Variants in DCLK1 observed in about 807,000 individuals in gnomAD.
The protein encoded by DCLK1 is doublecortin like kinase 1.
In DCLK1, 16 loss-of-function variants were observed where a neutral mutation model predicts 86.2. That is an observed-to-expected ratio of 0.19 (90% CI 0.13 to 0.28). The LOEUF is 0.28. DCLK1 is among the 10% of genes least tolerant of loss of function. The probability of loss-of-function intolerance (pLI) is 1.00; values close to 1 mark genes in which losing one functional copy is unlikely to be tolerated. For missense variants in DCLK1, 590 were observed against 940.2 expected, an observed-to-expected ratio of 0.63 and a Z score of 4.87; for synonymous variants, 369 against 370.5, an observed-to-expected ratio of 1.00 and a Z score of 0.05.
At chr13:35,852,641 A>T (rs750929914) in intron 6 of DCLK1, among the ~76,000 whole-genome samples, 17 of 152,218 alleles carry the variant, frequency 1.1e-4, no homozygotes, top group Non-Finnish European at 1.6e-4. Context: ...TAATTATATA[A>T]GCCAATAGCC....
intron 6 of DCLK1, among the ~76,000 whole-genome samples, chr13:35,844,967 T>C (rs1168777370): frequency 1.3e-5 from 2 of 152,150 alleles, no homozygotes; most frequent in Admixed American, 6.5e-5. Flanking sequence ...TATTTTTTCG[T>C]CTGGGTACAG....
At chr13:35,793,267 C>T in intron 16 of DCLK1, 99 bp downstream of exon 16, 6 of 833,432 alleles carry the variant, frequency 7.2e-6, no homozygotes, top group Non-Finnish European at 9.4e-6. Flanking sequence ...AAGAAATGAC[C>T]CATTCTGCTG....
intron 3 of DCLK1, among the ~76,000 whole-genome samples, chr13:36,013,179 TC>T (rs1477684693): frequency 5.3e-5 from 8 of 150,284 alleles, no homozygotes; most frequent in African/African-American, 1.7e-4. Flanking sequence ...TTGAATGTCC[TC>T]CCGTAGCTCA....
At chr13:36,046,475 CA>C (rs1337304364) in intron 3 of DCLK1, among the ~76,000 whole-genome samples, 1 of 152,132 alleles carries the variant, frequency 6.6e-6, no homozygotes, top group Non-Finnish European at 1.5e-5. Flanking sequence ...TCAAGAAAGC[CA>C]AAAAAGTAAA....
rs373202463 is a variant in DCLK1, at chr13:36,013,481, T to C, written c.724-66024A>G. The stretch of plus-strand genomic sequence containing the variant: ...CTCAGCTGCAGGTCTTTTGGAATAC[T>C]CTGCTGTGTGAGGTGTCAGTGTGCC... On this transcript the variant is annotated intron_variant, in intron 3 of 16. Transcript: ENST00000360631. Among the ~76,000 whole-genome samples the C allele has an allele frequency of 7.9e-4, 120 of 152,062 alleles. No individual in the cohort carries two copies. The South Asian group carries it at 8.2e-3, about 10-fold the overall frequency.
chr13:35,834,704 T>TG (rs1869226034), intron 8 of DCLK1, among the ~76,000 whole-genome samples: 1 of 151,568 alleles, frequency 6.6e-6, no homozygotes, highest in African/African-American at 2.4e-5. Flanking sequence ...CGTGGAGAGG[T>TG]GGGGGAATGA....
intron 3 of DCLK1, among the ~76,000 whole-genome samples, chr13:36,033,890 G>A (rs1171005): frequency 0.82 from 124,541 of 152,210 alleles, 52,265 homozygotes; most frequent in Non-Finnish European, 0.93. Flanking sequence ...GCACCATTGC[G>A]CTCCAGCCTG....
intron 4 of DCLK1, among the ~76,000 whole-genome samples, chr13:35,942,486 A>G (rs370065113): frequency 6.9e-4 from 105 of 152,272 alleles, no homozygotes; most frequent in African/African-American, 2.2e-3. Context: ...CCTGGCCTCA[A>G]AAGGACACTT....
At chr13:35,882,333 C>T (rs909042124) in intron 4 of DCLK1, among the ~76,000 whole-genome samples, 8 of 152,204 alleles carry the variant, frequency 5.3e-5, no homozygotes, top group Non-Finnish European at 7.3e-5. Context: ...AGATAATCCC[C>T]TCATCTCAAG....
At chr13:35,953,430 C>T (rs1877811965) in intron 3 of DCLK1, among the ~76,000 whole-genome samples, 2 of 152,092 alleles carry the variant, frequency 1.3e-5, no homozygotes, top group Non-Finnish European at 2.9e-5. Context: ...ATAATAAAAA[C>T]GGTGTCTAAT....
At chr13:36,128,358 G>A (rs1284066893) in intron 1 of DCLK1, among the ~76,000 whole-genome samples, 3 of 152,274 alleles carry the variant, frequency 2.0e-5, no homozygotes, top group African/African-American at 7.2e-5. Flanking sequence ...TAACTGAGGG[G>A]TTGAGATTTG....
rs200161413 is a variant in DCLK1 at position 36,068,368 on chromosome 13, C to CA, written c.723+43500dup. ...ATGTAAATCAATCCTAAACTCTTTACACAAAGCCACAGTAAAAAGAACTGC... is the reference window on the plus strand; with the variant it reads ...ATGTAAATCAATCCTAAACTCTTTACAACAAAGCCACAGTAAAAAGAACTGC... On this transcript the variant is annotated intron_variant, in intron 3 of 16. Transcript: ENST00000360631. Among the ~76,000 whole-genome samples, 903 of 152,292 alleles carry CA rather than the reference C, an allele frequency of 5.9e-3. 9 individuals carry two copies. The highest frequency in any genetic ancestry group is 0.02 in the African/African-American group (852 of 41,576).
intron 3 of DCLK1, among the ~76,000 whole-genome samples, chr13:35,956,268 T>A (rs981064874): frequency 3.3e-5 from 5 of 152,188 alleles, no homozygotes; most frequent in African/African-American, 1.2e-4. Context: ...AATTGGCTTA[T>A]CTGAGCCATC....
At chr13:36,034,569 G>A (rs1882416928) in intron 3 of DCLK1, among the ~76,000 whole-genome samples, 1 of 152,110 alleles carries the variant, frequency 6.6e-6, no homozygotes, top group African/African-American at 2.4e-5. Flanking sequence ...TTCTATTCCT[G>A]AAATTTTGAA....
At chr13:35,846,185 TC>T (rs1000966784) in intron 6 of DCLK1, 4 of 985,294 alleles carry the variant, frequency 4.1e-6, no homozygotes, top group Non-Finnish European at 4.8e-6. Context: ...AGAATACACA[TC>T]CAATCAACTG....
intron 12 of DCLK1, 73 bp from the exon 13 acceptor site, chr13:35,809,168 A>C: frequency 7.9e-7 from 1 of 1,271,496 alleles, no homozygotes; most frequent in Non-Finnish European, 1.1e-6. Context: ...AAAATCAATG[A>C]CTTTCCTCCT....
At chr13:35,866,996 G>A (rs1443194592) in intron 5 of DCLK1, among the ~76,000 whole-genome samples, 3 of 152,198 alleles carry the variant, frequency 2.0e-5, no homozygotes, top group South Asian at 2.1e-4. Flanking sequence ...CTTGCCTCTA[G>A]GAGAACTGGC....
intron 3 of DCLK1, among the ~76,000 whole-genome samples, chr13:35,956,103 C>T (rs1303135937): frequency 6.6e-6 from 1 of 152,148 alleles, no homozygotes; most frequent in Non-Finnish European, 1.5e-5. Flanking sequence ...CCCTCTTTCA[C>T]TTAAGGAATT....
intron 4 of DCLK1, among the ~76,000 whole-genome samples, chr13:35,941,386 T>C (rs1156894498): frequency 6.6e-6 from 1 of 152,118 alleles, no homozygotes; most frequent in Non-Finnish European, 1.5e-5. Flanking sequence ...TCTAGAAATA[T>C]TTACCAAGCA....
Sources: allele counts gnomAD v4.1 joint callset (sites outside exome capture counted in the v4.1 genomes callset), GRCh38; gene constraint gnomAD v4.1.1; transcripts MANE v1.5; gene names NCBI Gene and HGNC (gene_info 2026-07-23, HGNC 2026-07-21).